CNTLN: variants seen among roughly 807,000 people sequenced by gnomAD.
CNTLN encodes centlein, also known as centlein, centrosomal protein.
CNTLN carries 212 observed loss-of-function variants against 180.0 expected under a neutral mutation model. The observed-to-expected ratio is 1.18, with a 90% confidence interval of 1.05 to 1.32. The LOEUF (loss-of-function observed/expected upper bound fraction) is 1.32. Among genes scored for constraint, CNTLN ranks in the 40% most tolerant of loss-of-function variants. CNTLN has a pLI of 0.00. For synonymous variants in CNTLN, 722 were observed against 563.1 expected, an observed-to-expected ratio of 1.28 and a Z score of -3.99; for missense variants, 2,095 against 1,610.9, an observed-to-expected ratio of 1.30 and a Z score of -5.14.
At chr9:17,255,701 G>A (rs1478963516) in intron 5 of CNTLN, among the ~76,000 whole-genome samples, 2 of 151,692 alleles carry the variant, frequency 1.3e-5, no homozygotes, top group South Asian at 2.1e-4. Flanking sequence ...AATACTCTCC[G>A]TACTTCAGTT....
intron 13 of CNTLN, among the ~76,000 whole-genome samples, chr9:17,375,345 G>A (rs1421048628): frequency 6.6e-6 from 1 of 152,134 alleles, no homozygotes; most frequent in Non-Finnish European, 1.5e-5. Flanking sequence ...AATAAGACCT[G>A]GCGTTTGCTA....
intron 18 of CNTLN, among the ~76,000 whole-genome samples, chr9:17,451,771 T>C (rs1273288308): frequency 6.6e-6 from 1 of 152,180 alleles, no homozygotes; most frequent in East Asian, 1.9e-4. Context: ...GAATTTTGTG[T>C]CTTTATGTTT....
At chr9:17,292,577 C>T (rs75510950) in intron 6 of CNTLN, among the ~76,000 whole-genome samples, 2 of 152,068 alleles carry the variant, frequency 1.3e-5, no homozygotes, top group Admixed American at 6.6e-5. Flanking sequence ...ATTCTTTCCT[C>T]TGCTTGGTCA....
intron 23 of CNTLN, among the ~76,000 whole-genome samples, chr9:17,470,036 G>A (rs1831971116): frequency 6.6e-6 from 1 of 151,824 alleles, no homozygotes; most frequent in African/African-American, 2.4e-5. Context: ...GTAGTAGTAT[G>A]GCTCTGACTC....
intron 5 of CNTLN, among the ~76,000 whole-genome samples, chr9:17,241,836 A>T (rs1825511765): frequency 6.6e-6 from 1 of 151,732 alleles, no homozygotes; most frequent in African/African-American, 2.4e-5. Flanking sequence ...TACTTTCTTA[A>T]TTTTTTTCAG....
intron 18 of CNTLN, 70 bp downstream of exon 18, chr9:17,416,259 T>C: frequency 7.8e-7 from 1 of 1,274,862 alleles, no homozygotes; most frequent in South Asian, 1.5e-5. Context: ...TTTACATGTA[T>C]TATTTAGTTT....
intron 18 of CNTLN, among the ~76,000 whole-genome samples, chr9:17,420,071 C>G (rs1022087535): frequency 6.6e-6 from 1 of 152,080 alleles, no homozygotes; most frequent in African/African-American, 2.4e-5. Flanking sequence ...CGCAACACCA[C>G]GCCTGGCTAA....
intron 3 of CNTLN, among the ~76,000 whole-genome samples, chr9:17,227,932 A>G (rs1824574908): frequency 6.6e-6 from 1 of 152,096 alleles, no homozygotes; most frequent in African/African-American, 2.4e-5. Context: ...CTGGTATATT[A>G]ATTGGATTAG....
At chr9:17,354,894 G>A (rs1822704275) in intron 12 of CNTLN, among the ~76,000 whole-genome samples, 1 of 152,090 alleles carries the variant, frequency 6.6e-6, no homozygotes, top group African/African-American at 2.4e-5. Context: ...GCCAAGATCT[G>A]CAGTTTCACT....
At chr9:17,468,783 C>T (rs987925503) in intron 23 of CNTLN, among the ~76,000 whole-genome samples, 3 of 151,502 alleles carry the variant, frequency 2.0e-5, no homozygotes, top group African/African-American at 4.8e-5. Context: ...GAAACTTTTT[C>T]TTTATATCCA....
the CNTLN span, among the ~76,000 whole-genome samples, chr9:17,520,434 C>G: frequency 6.6e-6 from 1 of 152,178 alleles, no homozygotes; most frequent in African/African-American, 2.4e-5. Context: ...GGAAGGGAAG[C>G]TGTTCTGGCC....
At chr9:17,360,655 A>ACC (rs1823300730) in intron 12 of CNTLN, among the ~76,000 whole-genome samples, 1 of 152,192 alleles carries the variant, frequency 6.6e-6, no homozygotes, top group African/African-American at 2.4e-5. Flanking sequence ...AGAGTTGACT[A>ACC]AAGATTGGTT....
chr9:17,178,909 G>T (rs113123597), intron 2 of CNTLN, among the ~76,000 whole-genome samples: 1 of 152,284 alleles, frequency 6.6e-6, no homozygotes, highest in Non-Finnish European at 1.5e-5. Context: ...CGAGAGCGAG[G>T]GAGGGCTGTG....
intron 12 of CNTLN, among the ~76,000 whole-genome samples, chr9:17,352,358 C>T (rs1199442689): frequency 6.8e-6 from 1 of 147,222 alleles, no homozygotes; most frequent in Non-Finnish European, 1.5e-5. Context: ...TTTTCCTCTG[C>T]AAAGCAAGAC....
intron 9 of CNTLN, among the ~76,000 whole-genome samples, chr9:17,332,210 G>A (rs896387672): frequency 6.6e-6 from 1 of 151,344 alleles, no homozygotes; most frequent in African/African-American, 2.4e-5. Flanking sequence ...CTATTTCAAA[G>A]GGAAAAAAAT....
intron 12 of CNTLN, among the ~76,000 whole-genome samples, chr9:17,366,020 G>A (rs1190985049): frequency 1.3e-5 from 2 of 152,144 alleles, no homozygotes; most frequent in Admixed American, 6.5e-5. Flanking sequence ...TAAGTGTTTA[G>A]CATGTTTATT....
chr9:17,377,141 A>G (rs1824840940), intron 13 of CNTLN, among the ~76,000 whole-genome samples: 1 of 152,220 alleles, frequency 6.6e-6, no homozygotes, highest in Non-Finnish European at 1.5e-5. Flanking sequence ...CCTCAGCTTT[A>G]AAGTCTTGTC....
At chr9:17,356,720 A>G (rs1822879864) in intron 12 of CNTLN, among the ~76,000 whole-genome samples, 1 of 152,202 alleles carries the variant, frequency 6.6e-6, no homozygotes, top group African/African-American at 2.4e-5. Context: ...CAGAACACAC[A>G]TGGCTCCTGG....
intron 8 of CNTLN, among the ~76,000 whole-genome samples, chr9:17,309,664 C>T (rs907475739): frequency 6.7e-5 from 3 of 45,052 alleles, no homozygotes; most frequent in Non-Finnish European, 1.8e-4. Flanking sequence ...AATTCTACCA[C>T]TACCTTGATA....
Sources: gnomAD v4.1 joint callset for allele counts (sites outside exome capture counted in the v4.1 genomes callset) on GRCh38, gnomAD v4.1.1 for gene constraint, MANE v1.5 for transcripts, NCBI Gene and HGNC (gene_info 2026-07-23, HGNC 2026-07-21) for gene names.